The following PSD3 variants were observed in gnomAD, a reference collection of about 807,000 sequenced individuals.
PSD3 encodes PH and SEC7 domain-containing protein 3.
In PSD3, 49 loss-of-function variants were observed where a neutral mutation model predicts 105.5. That is an observed-to-expected ratio of 0.46 (90% CI 0.37 to 0.59). The LOEUF is 0.59. Among genes scored for constraint, PSD3 ranks in the 20% least tolerant of loss-of-function variants. PSD3 has a pLI of 0.00. For missense variants in PSD3, 1,561 were observed against 1,263.8 expected, an observed-to-expected ratio of 1.24 and a Z score of -3.57; for synonymous variants, 557 against 457.8, an observed-to-expected ratio of 1.22 and a Z score of -2.77.
Position 18,531,677 on chromosome 8 carries a change from C to G in PSD3, c.*4066G>C, listed in dbSNP as rs561029896. On this transcript the variant is annotated 3_prime_UTR_variant, in exon 16 of 16. Transcript: ENST00000327040. ...GCAAAGCTGACTTACCATTTTCTGT[C>G]AGAATAACTTAGATGCTTTGAGACA... 47 of 152,334 alleles carry G rather than the reference C, an allele frequency of 3.1e-4. 1 individual carries two copies. The highest frequency in any genetic ancestry group is 1.1e-3 in the African/African-American group (46 of 41,572). 9.4% of individuals were successfully genotyped at this position (152,334 alleles called of 1,614,324 possible). A position where few individuals can be genotyped will look rare whatever the true frequency, so the allele number is the denominator to read the frequency against.
At chr8:18,808,803 C>T (rs367638003) in intron 4 of PSD3, 38 of 1,613,868 alleles carry the variant, frequency 2.4e-5, no homozygotes, top group Admixed American at 1.0e-4. Context: ...CCCTGGGGTG[C>T]GCCTGGACCA....
At chr8:18,808,636 T>C in intron 4 of PSD3, 1 of 1,309,102 alleles carries the variant, frequency 7.6e-7, no homozygotes, top group Non-Finnish European at 1.1e-6. Flanking sequence ...AAAGGATAAA[T>C]ATGTCCCTAG....
At chr8:18,585,826 G>C (rs1339057249) in intron 12 of PSD3, among the ~76,000 whole-genome samples, 1 of 152,078 alleles carries the variant, frequency 6.6e-6, no homozygotes, top group East Asian at 1.9e-4. Context: ...AATGAGTTGA[G>C]GTTCGCAGAG....
intron 9 of PSD3, 47 bp from the exon 10 acceptor site, chr8:18,655,732 C>T (rs1433651710): frequency 2.5e-6 from 4 of 1,570,096 alleles, no homozygotes; most frequent in Non-Finnish European, 3.5e-6. Flanking sequence ...CATTCTGTTC[C>T]ACATTTTGAA....
At chr8:18,945,351 T>C (rs757800712) in intron 1 of PSD3, among the ~76,000 whole-genome samples, 2 of 152,196 alleles carry the variant, frequency 1.3e-5, no homozygotes, top group South Asian at 4.2e-4. Context: ...GACAGAAGCA[T>C]AGAAAAGTAG....
intron 2 of PSD3, among the ~76,000 whole-genome samples, chr8:18,888,513 T>C (rs1818578431): frequency 6.6e-6 from 1 of 150,570 alleles, no homozygotes; most frequent in Admixed American, 6.6e-5. Flanking sequence ...AATAATGGGG[T>C]TTTCTGAGGA....
chr8:18,729,461 G>A (rs566705101), intron 9 of PSD3, among the ~76,000 whole-genome samples: 94 of 152,184 alleles, frequency 6.2e-4, no homozygotes, highest in Middle Eastern at 6.8e-3. Flanking sequence ...AGATGAAGAG[G>A]GCTGTATCTA....
chr8:18,777,584 T>A (rs1344100793), intron 8 of PSD3, among the ~76,000 whole-genome samples: 3 of 152,216 alleles, frequency 2.0e-5, no homozygotes, highest in African/African-American at 4.8e-5. Context: ...CATGTGATAT[T>A]TTGAAATATG....
At chr8:19,053,495 A>C (rs1175890037) in intron 1 of PSD3, among the ~76,000 whole-genome samples, 1 of 152,188 alleles carries the variant, frequency 6.6e-6, no homozygotes, top group African/African-American at 2.4e-5. Context: ...AAACATCTGA[A>C]GCCTAATCAA....
chr8:18,864,942 A>G (rs568014918), intron 4 of PSD3: 142 of 151,960 alleles, frequency 9.3e-4, no homozygotes, highest in African/African-American at 3.1e-3. Flanking sequence ...TTTTCCTTCA[A>G]ATTGAATGCA....
intron 1 of PSD3, among the ~76,000 whole-genome samples, chr8:19,074,970 G>A (rs1193053579): frequency 4.0e-5 from 6 of 150,290 alleles, no homozygotes; most frequent in Admixed American, 1.3e-4. Flanking sequence ...TTTTGAGATG[G>A]AGTCTTGCCC....
chr8:18,811,735 G>A (rs759944624), intron 4 of PSD3, among the ~76,000 whole-genome samples: 2 of 152,186 alleles, frequency 1.3e-5, no homozygotes, highest in African/African-American at 2.4e-5. Flanking sequence ...GTGAGGGCAA[G>A]CAAGAAAGCC....
intron 12 of PSD3, among the ~76,000 whole-genome samples, chr8:18,582,944 G>A (rs553308304): frequency 1.3e-4 from 20 of 150,752 alleles, no homozygotes; most frequent in African/African-American, 4.9e-4. Context: ...TCCTGCCTCA[G>A]ACTCCTGAGT....
Position 18,578,810 on chromosome 8 carries a change from C to T in PSD3, c.2482-3525G>A, listed in dbSNP as rs191743604. On this transcript the variant is annotated intron_variant, in intron 12 of 15. Transcript: ENST00000327040. ...AACAGTAATTGTCACCTTGGAAGAA[C>T]TGCACCATTATTTTAAAAGAGGACT... 1.4e-3 allele frequency among the ~76,000 whole-genome samples: 210 copies of T among 151,780 alleles called. 1 individual carries two copies. The highest frequency in any genetic ancestry group is 4.9e-3 in the African/African-American group (205 of 41,436).
At chr8:18,622,930 T>C (rs999815873) in intron 11 of PSD3, among the ~76,000 whole-genome samples, 1 of 152,236 alleles carries the variant, frequency 6.6e-6, no homozygotes, top group East Asian at 1.9e-4. Flanking sequence ...TGTACCACAA[T>C]TAAATCTTTC....
chr8:18,997,774 T>C lies in PSD3; in HGVS notation c.21+15789A>G, dbSNP rs373714759. Among the ~76,000 whole-genome samples the C allele has an allele frequency of 2.2e-4, 14 of 63,786 alleles. 1 individual carries two copies. Among genetic ancestry groups the C allele is most frequent in the Non-Finnish European group, 3.1e-4 (9 of 29,446 alleles). 41.8% of individuals were successfully genotyped at this position (63,786 alleles called of 152,430 possible). A position where few individuals can be genotyped will look rare whatever the true frequency, so the allele number is the denominator to read the frequency against. ...CTGCTGTGCCCTCTTCCCGGTGCAC[T>C]TACCTTCCTTCTTCAGGTCTTTCCT... On this transcript the variant is annotated intron_variant, in intron 1 of 15. Transcript: ENST00000327040.
At chr8:18,617,456 G>C (rs1192817187) in intron 11 of PSD3, among the ~76,000 whole-genome samples, 1 of 152,148 alleles carries the variant, frequency 6.6e-6, no homozygotes, top group East Asian at 1.9e-4. Context: ...GCTTGAACTT[G>C]GGAGGCGCAG....
chr8:18,620,448 AC>A (rs1271088080), intron 11 of PSD3, among the ~76,000 whole-genome samples: 1 of 150,746 alleles, frequency 6.6e-6, no homozygotes, highest in Non-Finnish European at 1.5e-5. Context: ...GGTGGCTTAC[AC>A]CTGTAATCCC....
intron 9 of PSD3, among the ~76,000 whole-genome samples, chr8:18,700,757 G>A (rs78380373): frequency 0.051 from 7,675 of 151,236 alleles, 654 homozygotes; most frequent in African/African-American, 0.17. Context: ...CTTTCCTTCC[G>A]TCTAGGGGTA....
Sources: gnomAD v4.1 joint callset for allele counts (sites outside exome capture counted in the v4.1 genomes callset) on GRCh38, gnomAD v4.1.1 for gene constraint, MANE v1.5 for transcripts, NCBI Gene and HGNC (gene_info 2026-07-23, HGNC 2026-07-21) for gene names.